The following USH2A variants were observed in gnomAD, a reference collection of about 807,000 sequenced individuals.
The protein encoded by USH2A is Usher syndrome 2A (autosomal recessive, mild).
USH2A carries 443 observed loss-of-function variants against 538.9 expected under a neutral mutation model. That is an observed-to-expected ratio of 0.82 (90% confidence interval 0.76 to 0.89). The LOEUF is 0.89. USH2A is among the 40% of genes least tolerant of loss of function. The pLI, the probability that USH2A is intolerant of heterozygous loss-of-function variation, is 0.00. For synonymous variants in USH2A, 2,413 were observed against 2,273.5 expected (o/e 1.06, Z -1.75); for missense variants, 6,633 against 6,324.8 (o/e 1.05, Z -1.65).
chr1:215,647,819 AC>A, intron 66 of USH2A, 89 bp from the exon 67 acceptor site: 1 of 1,491,120 alleles, frequency 6.7e-7, no homozygotes, highest in Non-Finnish European at 9.2e-7. Context: ...TTGTGAGGAG[AC>A]ATTTTGTTTT....
In USH2A at chr1:216,113,375, T is replaced by C. The variant is rs564132520; in HGVS notation, c.4628-16162A>G. The stretch of plus-strand genomic sequence containing the variant: ...ATTTCTGAGTTCACTGCAAGAAATT[T>C]CTCAAGTTGTGTAATTTCCTTTCCA... On this transcript the variant is annotated intron_variant, in intron 21 of 71. Transcript: ENST00000307340. Among the ~76,000 whole-genome samples, 13 of 152,254 alleles carry C rather than the reference T, an allele frequency of 8.5e-5. 1 individual carries two copies. Among genetic ancestry groups the C allele is most frequent in the African/African-American group, 3.1e-4 (13 of 41,560 alleles).
At chr1:215,687,115 C>T (rs1408787274) in intron 61 of USH2A, among the ~76,000 whole-genome samples, 1 of 152,056 alleles carries the variant, frequency 6.6e-6, no homozygotes, top group Non-Finnish European at 1.5e-5. Flanking sequence ...GTTAAGGACA[C>T]TATTGACGAC....
chr1:215,760,431 C>T (rs1037461694), intron 56 of USH2A, among the ~76,000 whole-genome samples: 6 of 152,060 alleles, frequency 3.9e-5, no homozygotes, highest in Admixed American at 1.3e-4. Flanking sequence ...TCTCTTCCAA[C>T]ACCGGCTTCC....
At chr1:215,921,234 C>T (rs1666091674) in intron 38 of USH2A, among the ~76,000 whole-genome samples, 1 of 151,922 alleles carries the variant, frequency 6.6e-6, no homozygotes, top group African/African-American at 2.4e-5. Context: ...AGAAGTTGGG[C>T]AAAATACTTG....
At chr1:216,361,655 G>T (rs1029203687) in intron 4 of USH2A, among the ~76,000 whole-genome samples, 1 of 152,168 alleles carries the variant, frequency 6.6e-6, no homozygotes, top group Non-Finnish European at 1.5e-5. Context: ...TATCACTAAT[G>T]ATCAGGAAAT....
At chr1:216,046,229 T>G (rs1357123762) in intron 32 of USH2A, among the ~76,000 whole-genome samples, 4 of 152,174 alleles carry the variant, frequency 2.6e-5, no homozygotes, top group Admixed American at 2.0e-4. Flanking sequence ...ACAATGTAAA[T>G]GCTATGTAAA....
chr1:215,893,863 A>T (rs1320090044), intron 40 of USH2A, among the ~76,000 whole-genome samples: 1 of 152,304 alleles, frequency 6.6e-6, no homozygotes, highest in East Asian at 1.9e-4. Flanking sequence ...GGCTTGAATA[A>T]GTTCCTTTTG....
chr1:215,728,173 C>G lies in USH2A; in HGVS notation c.11923G>C (p.Ala3975Pro). 6.2e-7 allele frequency: 1 copy of G among 1,614,152 alleles called. No homozygotes were observed. The stretch of plus-strand genomic sequence containing the variant: ...AACAGAACTGAATGAGCACTCGTGG[C>G]TTGAGCCCAAGGAGCTGGAAAATCT... ...PQDFPAPWAQ[A>P]TSAHSVLLNW... is the part of the protein sequence containing the mutation. The change falls in exon 61 of 72, where the codon GCC becomes CCC. Residue 3975 changes from alanine to proline, a missense_variant. By Grantham distance (27) the Ala-to-Pro change is conservative. Coordinates refer to ENST00000307340, the MANE Select transcript of USH2A (RefSeq NM_206933.4).
chr1:215,716,982 T>C (rs183975187), intron 61 of USH2A, among the ~76,000 whole-genome samples: 1,775 of 152,294 alleles, frequency 0.012, 27 homozygotes, highest in South Asian at 0.017. Flanking sequence ...TTCACTCTTT[T>C]ACCAAATTCA....
chr1:215,799,184 C>A lies in USH2A; in HGVS notation c.9740-59G>T, dbSNP rs115806383. Reference sequence around the variant, plus strand: ...AGTTAAAAAAATATGCTATGACTAACAATTAACTTTTATCACAATCATCTT... The same window carrying A: ...AGTTAAAAAAATATGCTATGACTAAAAATTAACTTTTATCACAATCATCTT... On this transcript the variant is annotated intron_variant, in intron 49 of 71. Coordinates refer to ENST00000307340, the MANE Select transcript of USH2A (RefSeq NM_206933.4). 3.4e-6 allele frequency: 5 copies of A among 1,491,668 alleles called. No individual in the cohort carries two copies. The East Asian group carries it at 9.5e-5, about 28-fold the overall frequency. 92.4% of individuals were successfully genotyped at this position (1,491,668 alleles called of 1,614,324 possible). A position where few individuals can be genotyped will look rare whatever the true frequency, so the allele number is the denominator to read the frequency against.
chr1:216,050,605 T>TTTCTTTCTTTTTCTTTC lies in USH2A; in HGVS notation c.6050-1959_6050-1958insGAAAGAAAAAGAAAGAA, dbSNP rs773024885. Among the ~76,000 whole-genome samples, 3 of 54,078 alleles carry TTTCTTTCTTTTTCTTTC rather than the reference T, an allele frequency of 5.5e-5. 1 individual carries two copies. The highest frequency in any genetic ancestry group is 2.1e-4 in the Admixed American group (1 of 4,778). 35.5% of individuals were successfully genotyped at this position (54,078 alleles called of 152,430 possible). A position where few individuals can be genotyped will look rare whatever the true frequency, so the allele number is the denominator to read the frequency against. ...CTTTCTTTCTTTCTTTCTTTCTTTCTTTTTTTTTTTTTTTTTTGAGACAGA... is the reference window on the plus strand; with the variant it reads ...CTTTCTTTCTTTCTTTCTTTCTTTCTTTCTTTCTTTTTCTTTCTTTTTTTTTTTTTTTTTGAGACAGA... On this transcript the variant is annotated intron_variant, in intron 30 of 71. Transcript: ENST00000307340.
intron 32 of USH2A, among the ~76,000 whole-genome samples, chr1:216,010,274 T>C (rs950229361): frequency 1.3e-5 from 2 of 152,162 alleles, no homozygotes; most frequent in African/African-American, 2.4e-5. Context: ...CTCCAGGAGC[T>C]TGCTACAAGT....
In USH2A at chr1:216,048,515, A is replaced by G. The variant is rs1193080744; in HGVS notation, c.6163+19T>C. 1.2e-6 allele frequency: 2 copies of G among 1,605,272 alleles called. No homozygotes were observed. The highest frequency in any genetic ancestry group is 8.5e-7 in the Non-Finnish European group (1 of 1,171,960). On this transcript the variant is annotated intron_variant, in intron 31 of 71. Transcript: ENST00000307340. ...TCATGACTGAAATGTGGAAGTCAAGACCTTTGAAATTACTTTACCTTCTTG... is the reference window on the plus strand; with the variant it reads ...TCATGACTGAAATGTGGAAGTCAAGGCCTTTGAAATTACTTTACCTTCTTG...
At position 216,056,778 on chromosome 1, in the gene USH2A, G is replaced by T. The variant is rs868204089; in HGVS notation, c.6050-8131C>A. Among the ~76,000 whole-genome samples the T allele has an allele frequency of 3.1e-4, 47 of 150,076 alleles. 1 individual carries two copies. The highest frequency in any genetic ancestry group is 6.8e-3 in the Middle Eastern group (2 of 292). ...CTGATTTATAAGAAATTCTATGTGT[G>T]CATTTGTGTGTGTGTGTGTGTGTGT... On this transcript the variant is annotated intron_variant, in intron 30 of 71. Coordinates refer to ENST00000307340, the MANE Select transcript of USH2A (RefSeq NM_206933.4).
At chr1:216,207,713 CTTTTTT>C (rs33954636) in intron 15 of USH2A, among the ~76,000 whole-genome samples, 1 of 129,568 alleles carries the variant, frequency 7.7e-6, no homozygotes. Context: ...CTTTCTTTGC[CTTTTTT>C]TTTTTTTTTT....
At chr1:216,226,269 T>C (rs2035558847) in intron 14 of USH2A, among the ~76,000 whole-genome samples, 1 of 152,216 alleles carries the variant, frequency 6.6e-6, no homozygotes, top group South Asian at 2.1e-4. Context: ...CTGGTCTTTC[T>C]CAGGCAATAG....
chr1:216,057,660 C>CT (rs1425467402), intron 30 of USH2A, among the ~76,000 whole-genome samples: 1 of 151,956 alleles, frequency 6.6e-6, no homozygotes, highest in Non-Finnish European at 1.5e-5. Context: ...GCACTCCAGC[C>CT]TCGGCAACAG....
At chr1:216,185,465 A>G (rs907775756) in intron 20 of USH2A, among the ~76,000 whole-genome samples, 1 of 151,898 alleles carries the variant, frequency 6.6e-6, no homozygotes, top group Non-Finnish European at 1.5e-5. Flanking sequence ...CATGATTCAA[A>G]TGCTTCCAAA....
intron 21 of USH2A, among the ~76,000 whole-genome samples, chr1:216,167,908 T>A (rs1206651648): frequency 1.3e-5 from 2 of 152,122 alleles, no homozygotes; most frequent in Non-Finnish European, 2.9e-5. Flanking sequence ...CTAAAACATT[T>A]CTTTAGAGCA....
Sources: allele counts gnomAD v4.1 joint callset (sites outside exome capture counted in the v4.1 genomes callset), GRCh38; gene constraint gnomAD v4.1.1; transcripts MANE v1.5; gene names NCBI Gene and HGNC (gene_info 2026-07-23, HGNC 2026-07-21).